The following TRAF5 variants were observed in gnomAD, a reference collection of about 807,000 sequenced individuals.
TRAF5 encodes the protein TNF receptor associated factor 5.
A neutral mutation model predicts 64.5 loss-of-function variants in TRAF5; 48 were observed. That is an observed-to-expected ratio of 0.74 (90% confidence interval 0.59 to 0.95). TRAF5 has a LOEUF of 0.95. Among genes scored for constraint, TRAF5 ranks in the 40% least tolerant of loss-of-function variants. TRAF5 has a pLI of 0.00. For synonymous variants in TRAF5, 206 were observed against 240.5 expected (o/e 0.86, Z 1.33); for missense variants, 545 against 662.8 (o/e 0.82, Z 1.95).
chr1:211,341,373 A>G (rs1293206990), intron 1 of TRAF5, among the ~76,000 whole-genome samples: 1 of 152,214 alleles, frequency 6.6e-6, no homozygotes, highest in Non-Finnish European at 1.5e-5. Flanking sequence ...CATAAAGGGC[A>G]GGAGGGCAGT....
Position 211,360,765 on chromosome 1 carries a change from A to G in TRAF5, c.607A>G (p.Ile203Val), listed in dbSNP as rs537874767. The G allele has an allele frequency of 2.8e-4, 446 of 1,613,650 alleles. 3 individuals carry two copies. The South Asian group carries it at 4.7e-3, about 17-fold the overall frequency. Residue 203 changes from isoleucine (I) to valine (V), a missense_variant, in exon 6 of 11, where the codon ATT becomes GTT. Transcript: ENST00000261464. ...TTGTCCCAACAATTGTGCGAAGATT[A>G]TTCTAAAAACTGAGGTAACTGCAAA... is the stretch of plus-strand genomic sequence containing the variant. ...VFCPNNCAKI[I>V]LKTEVDEHLA...
At chr1:211,353,844 A>T (rs548872252) in intron 2 of TRAF5, among the ~76,000 whole-genome samples, 2 of 152,220 alleles carry the variant, frequency 1.3e-5, no homozygotes, top group Non-Finnish European at 2.9e-5. Context: ...GCTGCCATGG[A>T]TGCTGTCCAC....
In TRAF5 at chr1:211,364,695, A is replaced by ACAAT. The variant is rs1283141616; in HGVS notation, c.697-678_697-677insTCAA. Among the ~76,000 whole-genome samples, 6 of 150,956 alleles carry ACAAT rather than the reference A, an allele frequency of 4.0e-5. 1 individual carries two copies. The South Asian group carries it at 1.3e-3, about 32-fold the overall frequency. ...AGCAAGACTCCATCTCAAAAAACAA[A>ACAAT]CAAACAAACAAACAAAACTGATTTG... is the stretch of plus-strand genomic sequence containing the variant. On this transcript the variant is annotated intron_variant, in intron 7 of 10. Transcript: ENST00000261464.
At chr1:211,342,722 T>G (rs1406474394) in intron 1 of TRAF5, among the ~76,000 whole-genome samples, 4 of 152,206 alleles carry the variant, frequency 2.6e-5, no homozygotes, top group African/African-American at 7.2e-5. Context: ...ATTGTTTTAA[T>G]TTTTAGCTCC....
At chr1:211,361,067 T>C (rs1352077658) in intron 6 of TRAF5, 21 bp from the exon 7 acceptor site, 6 of 1,612,296 alleles carry the variant, frequency 3.7e-6, no homozygotes, top group Non-Finnish European at 5.1e-6. Flanking sequence ...TTTCTATAGC[T>C]TGTGACTATC....
chr1:211,366,169 A>G (rs1572090975), intron 8 of TRAF5, among the ~76,000 whole-genome samples: 2 of 152,228 alleles, frequency 1.3e-5, no homozygotes, highest in African/African-American at 4.8e-5. Flanking sequence ...GGTAGGGAAG[A>G]AAACCATCCA....
intron 7 of TRAF5, 48 bp downstream of exon 7, chr1:211,361,210 C>T: frequency 1.3e-6 from 2 of 1,541,864 alleles, no homozygotes; most frequent in Non-Finnish European, 1.8e-6. Flanking sequence ...CTGTATAATT[C>T]ACTTGGCAAG....
At chr1:211,371,888 A>G (rs1042369264) in intron 10 of TRAF5, among the ~76,000 whole-genome samples, 1 of 152,240 alleles carries the variant, frequency 6.6e-6, no homozygotes, top group African/African-American at 2.4e-5. Flanking sequence ...TTGAATGCTC[A>G]GTGTGTCTTC....
At position 211,371,436 on chromosome 1, in the gene TRAF5, A is replaced by T; in HGVS notation, c.1065A>T (p.Lys355Asn). The T allele has an allele frequency of 6.2e-7, 1 of 1,606,496 alleles. No individual in the cohort carries two copies. The highest frequency in any genetic ancestry group is 8.5e-7 in the Non-Finnish European group (1 of 1,178,434). The change falls in exon 10 of 11, where the codon AAA becomes AAT. Residue 355 changes from lysine (K) to asparagine (N), a missense_variant. Transcript: ENST00000261464. ...LMEAVDTVKQ[K>N]ITLLENNDQR... The stretch of plus-strand genomic sequence containing the variant: ...AAGCAGTTGATACAGTGAAACAGAA[A>T]ATTACCCTGCTAGAAAACAATGATC...
intron 1 of TRAF5, among the ~76,000 whole-genome samples, chr1:211,343,420 AATAATG>A (rs1702500949): frequency 6.6e-6 from 1 of 152,128 alleles, no homozygotes; most frequent in African/African-American, 2.4e-5. Context: ...AAAAAAGGGG[AATAATG>A]ATAATATATA....
At chr1:211,372,100 CTTT>C (rs10717294) in intron 10 of TRAF5, 25 bp from the exon 11 acceptor site, 2,229 of 1,250,564 alleles carry the variant, frequency 1.8e-3, no homozygotes, top group South Asian at 3.4e-3. Context: ...CCTATGGAAT[CTTT>C]TTTTTTTTTT....
chr1:211,328,202 G>A (rs567401419), intron 1 of TRAF5, among the ~76,000 whole-genome samples: 23 of 152,336 alleles, frequency 1.5e-4, no homozygotes, highest in Admixed American at 2.6e-4. Flanking sequence ...GGTTTGGGTG[G>A]AAACACTTCC....
intron 1 of TRAF5, among the ~76,000 whole-genome samples, chr1:211,342,526 A>G (rs1229372314): frequency 6.6e-6 from 1 of 152,162 alleles, no homozygotes; most frequent in Non-Finnish European, 1.5e-5. Flanking sequence ...TAAATGTACA[A>G]TAAATTATTG....
chr1:211,354,598 GGGGT>G, intron 3 of TRAF5, 131 bp downstream of exon 3: 2 of 914,486 alleles, frequency 2.2e-6, no homozygotes, highest in Non-Finnish European at 3.4e-6. Context: ...CTTCTGCTGT[GGGGT>G]CACATCAGAC....
intron 1 of TRAF5, among the ~76,000 whole-genome samples, chr1:211,350,655 T>C (rs1169879020): frequency 6.6e-6 from 1 of 152,188 alleles, no homozygotes; most frequent in Non-Finnish European, 1.5e-5. Context: ...AACTCATATT[T>C]AGTTCAGGTG....
chr1:211,351,031 CTTTTT>C (rs11426853), intron 1 of TRAF5, among the ~76,000 whole-genome samples: 1 of 116,038 alleles, frequency 8.6e-6, no homozygotes, highest in Non-Finnish European at 1.7e-5. Context: ...CTGGCCTCTT[CTTTTT>C]TTTTTTTTTT....
Position 211,372,916 on chromosome 1 carries a change from A to G in TRAF5, c.*214A>G, listed in dbSNP as rs957866746. On this transcript the variant is annotated 3_prime_UTR_variant, in exon 11 of 11. Coordinates refer to ENST00000261464, the MANE Select transcript of TRAF5 (RefSeq NM_001033910.3). Reference sequence around the variant, plus strand: ...CTTAAAACTCTTAGAATATTCTCTTATTATTTATATTTTTATATTTCTTGA... The same window carrying G: ...CTTAAAACTCTTAGAATATTCTCTTGTTATTTATATTTTTATATTTCTTGA... 1 of 420,436 alleles carries G rather than the reference A, an allele frequency of 2.4e-6. No individual in the cohort carries two copies. The highest frequency in any genetic ancestry group is 4.1e-6 in the Non-Finnish European group (1 of 240,990). The allele number at this position is 420,436 out of a possible 1,614,324, so 26.0% of individuals were successfully genotyped here. A position where few individuals can be genotyped will look rare whatever the true frequency, so the allele number is the denominator to read the frequency against.
chr1:211,344,332 C>G (rs949739988), intron 1 of TRAF5, among the ~76,000 whole-genome samples: 1 of 152,198 alleles, frequency 6.6e-6, no homozygotes, highest in Non-Finnish European at 1.5e-5. Context: ...TAAAATTATA[C>G]TCACATCATT....
At chr1:211,328,193 G>T (rs1702069409) in intron 1 of TRAF5, among the ~76,000 whole-genome samples, 1 of 152,236 alleles carries the variant, frequency 6.6e-6, no homozygotes, top group Non-Finnish European at 1.5e-5. Flanking sequence ...GTAATTGATG[G>T]TTTGGGTGGA....
Sources: allele counts gnomAD v4.1 joint callset (sites outside exome capture counted in the v4.1 genomes callset), GRCh38; gene constraint gnomAD v4.1.1; transcripts MANE v1.5; gene names NCBI Gene and HGNC (gene_info 2026-07-23, HGNC 2026-07-21).